Variants in DLG4 observed in about 807,000 individuals in gnomAD.
DLG4 encodes the protein discs large MAGUK scaffold protein 4, also known as disks large homolog 4.
A neutral mutation model predicts 93.8 loss-of-function variants in DLG4; 7 were observed. That is an observed-to-expected ratio of 0.07 (90% CI 0.04 to 0.14). The LOEUF (loss-of-function observed/expected upper bound fraction) is 0.14, where lower values mean the gene tolerates loss of function less well. Ranked by LOEUF, DLG4 falls within the 10% of genes least tolerant of loss-of-function variation. The probability of loss-of-function intolerance (pLI) is 1.00; values close to 1 mark genes in which losing one functional copy is unlikely to be tolerated. For missense variants in DLG4, 545 were observed against 992.9 expected (o/e 0.55, Z 6.06); for synonymous variants, 341 against 387.6 (o/e 0.88, Z 1.41).
In DLG4 at chr17:7,206,407, C is replaced by T. The variant is rs538141302; in HGVS notation, c.96+1767G>A. Among the ~76,000 whole-genome samples the T allele has an allele frequency of 7.2e-5, 11 of 152,150 alleles. 2 individuals carry two copies. In the South Asian group the frequency reaches 2.3e-3, roughly 32 times the overall value. ...GCTTCTCCTGTTCCCCAGGTGAGGC[C>T]TTGTCCTGAGACCTCCACCCCATGC... On this transcript the variant is annotated intron_variant, in intron 2 of 19. Transcript: ENST00000399506.
At position 7,187,799 on chromosome 17, in the gene DLG4, T is replaced by G. The variant is rs1348420136; in HGVS notation, c.*2909A>C. Among the ~76,000 whole-genome samples, 1 of 152,120 alleles carries G rather than the reference T, an allele frequency of 6.6e-6. No homozygotes were observed. On this transcript the variant is annotated 3_prime_UTR_variant, in exon 20 of 20. Transcript: ENST00000399506. ...TGAAAAACATCAGGGCCAGGTGCAG[T>G]GGCTCACGCCTGTAATCCCAGCACT...
intron 1 of DLG4, among the ~76,000 whole-genome samples, chr17:7,215,921 G>A (rs1037919200): frequency 7.8e-5 from 7 of 90,130 alleles, no homozygotes; most frequent in African/African-American, 1.3e-4. Flanking sequence ...CCTGCCACCC[G>A]CCCAAGCCTC....
chr17:7,188,159 C>A lies in DLG4; in HGVS notation c.*2549G>T, dbSNP rs1417047439. On this transcript the variant is annotated 3_prime_UTR_variant, in exon 20 of 20. Transcript: ENST00000399506. The stretch of plus-strand genomic sequence containing the variant: ...CCCGGGAGCTTTCCAGAAATGCAGA[C>A]CCCTGGTCCCTATCCCCAGGATCCT... Among the ~76,000 whole-genome samples the A allele has an allele frequency of 6.6e-6, 1 of 152,244 alleles. No homozygotes were observed. Among genetic ancestry groups the A allele is most frequent in the South Asian group, 2.1e-4 (1 of 4,828 alleles).
chr17:7,215,095 C>T (rs1041903694), intron 1 of DLG4, among the ~76,000 whole-genome samples: 2 of 152,318 alleles, frequency 1.3e-5, no homozygotes, highest in East Asian at 3.9e-4. Flanking sequence ...TAGAGATGAA[C>T]CACAACTCCC....
intron 1 of DLG4, among the ~76,000 whole-genome samples, chr17:7,215,305 G>T (rs2070862837): frequency 6.6e-6 from 1 of 152,206 alleles, no homozygotes; most frequent in Admixed American, 6.5e-5. Flanking sequence ...GCTCAACCCT[G>T]GGCTCCATGG....
At chr17:7,204,311 T>C in intron 2 of DLG4, 59 bp from the exon 3 acceptor site, 1 of 1,489,922 alleles carries the variant, frequency 6.7e-7, no homozygotes, top group Non-Finnish European at 9.0e-7. Context: ...AGGGAGCCCA[T>C]AACGGAGGGT....
upstream of DLG4, chr17:7,219,787 G>A (rs2071091765): frequency 5.3e-6 from 8 of 1,503,516 alleles, no homozygotes; most frequent in Non-Finnish European, 6.2e-6. Flanking sequence ...AGGGACGCTT[G>A]GAGATCCCTC....
In DLG4 at chr17:7,200,255, T is replaced by C. The variant is rs1277258073; in HGVS notation, c.787+2648A>G. On this transcript the variant is annotated intron_variant, in intron 8 of 19. Coordinates refer to ENST00000399506, the MANE Select transcript of DLG4 (RefSeq NM_001321075.3). Reference sequence around the variant, plus strand: ...AACAACATTAAAATTCTGATTAGGATTGAATGGAATGTAGATTAATTTGGA... The same window carrying C: ...AACAACATTAAAATTCTGATTAGGACTGAATGGAATGTAGATTAATTTGGA... 5.9e-5 allele frequency among the ~76,000 whole-genome samples: 9 copies of C among 152,304 alleles called. No individual in the cohort carries two copies. In the South Asian group the frequency reaches 1.7e-3, roughly 28 times the overall value.
rs367844126 is a variant in DLG4 at position 7,196,385 on chromosome 17, C to T, written c.1187-51G>A. On this transcript the variant is annotated intron_variant, in intron 10 of 19. Coordinates refer to ENST00000399506, the MANE Select transcript of DLG4 (RefSeq NM_001321075.3). This position sits in a 1 kb window ranked among gnomAD's most constrained non-coding sequence, Gnocchi z 8.3. ...AGCTCTGTCCCCATCCTACTGTCAC[C>T]CCTGTCCTCCCCTACTGAAGCCATC... 4.0e-5 allele frequency: 65 copies of T among 1,608,232 alleles called. No homozygotes were observed. The Middle Eastern group carries it at 8.2e-4, about 20-fold the overall frequency.
At position 7,194,715 on chromosome 17, in the gene DLG4, G is replaced by C. The variant is rs557383615; in HGVS notation, c.1302-220C>G. On this transcript the variant is annotated intron_variant, in intron 11 of 19. Coordinates refer to ENST00000399506, the MANE Select transcript of DLG4 (RefSeq NM_001321075.3). The surrounding 1 kb of genome is among the most constrained non-coding windows in gnomAD (Gnocchi z 4.4). ...ACTGAGCACAGTTTCCAGAGGCAGGGCTTGAACTTGACCCTCTCAAGAAAG... is the reference window on the plus strand; with the variant it reads ...ACTGAGCACAGTTTCCAGAGGCAGGCCTTGAACTTGACCCTCTCAAGAAAG... Among the ~76,000 whole-genome samples the C allele has an allele frequency of 5.9e-5, 9 of 152,322 alleles. No individual in the cohort carries two copies. In the South Asian group the frequency reaches 1.9e-3, roughly 32 times the overall value.
Position 7,192,848 on chromosome 17 carries a change from A to G in DLG4, c.1866+97T>C. ...GAGCGGAGTGGAGACCCAGCAGGGA[A>G]AGAGACAGAGAGAGAGAGAGTTAGA... is the stretch of plus-strand genomic sequence containing the variant. On this transcript the variant is annotated intron_variant, in intron 17 of 19. Coordinates refer to ENST00000399506, the MANE Select transcript of DLG4 (RefSeq NM_001321075.3). The G allele has an allele frequency of 3.7e-6, 5 of 1,350,912 alleles. No individual in the cohort carries two copies. In the East Asian group the frequency reaches 1.0e-4, roughly 28 times the overall value. The allele number at this position is 1,350,912 out of a possible 1,614,324, so 83.7% of individuals were successfully genotyped here. A position where few individuals can be genotyped will look rare whatever the true frequency, so the allele number is the denominator to read the frequency against.
intron 8 of DLG4, among the ~76,000 whole-genome samples, chr17:7,201,145 T>G (rs2070113171): frequency 6.6e-6 from 1 of 152,238 alleles, no homozygotes; most frequent in South Asian, 2.1e-4. Flanking sequence ...ATTACAGGCA[T>G]GAGCCACCTC....
rs2069447141 is a variant in DLG4, at chr17:7,190,804, C to T, written c.2079G>A (p.Glu693=). Residue 693 remains glutamate, a synonymous_variant, in exon 20 of 20, where the codon GAG becomes GAA. Coordinates refer to ENST00000399506, the MANE Select transcript of DLG4 (RefSeq NM_001321075.3). ...EFTECFSAIV[E]GDSFEEIYHK... ...GGTAGATCTCCTCAAAGCTGTCACC[C>T]TCCACGATGGCTGGGAGTGGGGTGG... is the stretch of plus-strand genomic sequence containing the variant. 1 of 1,612,902 alleles carries T rather than the reference C, an allele frequency of 6.2e-7. No homozygotes were observed. Among genetic ancestry groups the T allele is most frequent in the African/African-American group, 1.3e-5 (1 of 74,698 alleles).
At position 7,193,832 on chromosome 17, in the gene DLG4, A is replaced by C; in HGVS notation, c.1543+12T>G. 4 of 1,613,046 alleles carry C rather than the reference A, an allele frequency of 2.5e-6. No individual in the cohort carries two copies. The highest frequency in any genetic ancestry group is 3.4e-6 in the Non-Finnish European group (4 of 1,179,518). On this transcript the variant is annotated intron_variant, in intron 14 of 19. Coordinates refer to ENST00000399506, the MANE Select transcript of DLG4 (RefSeq NM_001321075.3). This position sits in a 1 kb window ranked among gnomAD's most constrained non-coding sequence, Gnocchi z 6.7. ...CCTCTCACCCACATCTTCCCGAACT[A>C]ACCCTACCTACCCTGCGATCCAGAG...
chr17:7,204,494 G>C, intron 2 of DLG4: 1 of 440,742 alleles, frequency 2.3e-6, no homozygotes, highest in Non-Finnish European at 4.0e-6. Flanking sequence ...TGCCCAGCCC[G>C]GGGCCCCCTG....
chr17:7,187,529 AG>A lies in DLG4; in HGVS notation c.*3178del, dbSNP rs1294801965. 6.7e-5 allele frequency among the ~76,000 whole-genome samples: 10 copies of A among 149,418 alleles called. No individual in the cohort carries two copies. Among genetic ancestry groups the A allele is most frequent in the Non-Finnish European group, 1.5e-4 (10 of 67,312 alleles). On this transcript the variant is annotated 3_prime_UTR_variant, in exon 20 of 20. Transcript: ENST00000399506. ...CCACTGCACTCCAGCCTGGGCAACAAGAGCGAAACTCTGTCTCCAATAATAA... is the reference window on the plus strand; with the variant it reads ...CCACTGCACTCCAGCCTGGGCAACAAAGCGAAACTCTGTCTCCAATAATAA...
rs2142942046 is a variant in DLG4, at chr17:7,217,110, A to T, written c.30+8T>A. On this transcript the variant is annotated splice_region_variant and intron_variant, in intron 1 of 19. Transcript: ENST00000399506. ...CCCCCCAGTTTATAGCCCCCCCATC[A>T]TGCTTACCTTGGTTGTCACTATACA... is the stretch of plus-strand genomic sequence containing the variant. 7.8e-7 allele frequency: 1 copy of T among 1,283,812 alleles called. No homozygotes were observed. Among genetic ancestry groups the T allele is most frequent in the Admixed American group, 4.1e-5 (1 of 24,208 alleles). The allele number at this position is 1,283,812 out of a possible 1,614,324, so 79.5% of individuals were successfully genotyped here.
At chr17:7,199,159 C>G (rs2069977042) in intron 8 of DLG4, among the ~76,000 whole-genome samples, 1 of 152,172 alleles carries the variant, frequency 6.6e-6, no homozygotes, top group Non-Finnish European at 1.5e-5. Flanking sequence ...TCACCAATTT[C>G]AGAATGAATG....
intron 1 of DLG4, among the ~76,000 whole-genome samples, chr17:7,214,595 G>A (rs1487733981): frequency 6.6e-6 from 1 of 152,166 alleles, no homozygotes; most frequent in Non-Finnish European, 1.5e-5. Flanking sequence ...TCGCTCCTGG[G>A]GCTCTGGCAA....
Sources: allele counts gnomAD v4.1 joint callset (sites outside exome capture counted in the v4.1 genomes callset), GRCh38; gene constraint gnomAD v4.1.1; non-coding constraint Gnocchi (gnomAD v3.1); transcripts MANE v1.5; gene names NCBI Gene and HGNC (gene_info 2026-07-23, HGNC 2026-07-21).